The following PTPN21 variants were observed in gnomAD, a reference collection of about 807,000 sequenced individuals.
The protein encoded by PTPN21 is tyrosine-protein phosphatase non-receptor type 21.
A neutral mutation model predicts 131.8 loss-of-function variants in PTPN21; 77 were observed. That is an observed-to-expected ratio of 0.58 (90% CI 0.49 to 0.71). PTPN21 has a LOEUF of 0.71. Ranked by LOEUF, PTPN21 falls within the 30% of genes least tolerant of loss-of-function variation. The probability of loss-of-function intolerance (pLI) is 0.00; values close to 1 mark genes in which losing one functional copy is unlikely to be tolerated. For synonymous variants in PTPN21, 715 were observed against 621.3 expected (o/e 1.15, Z -2.24); for missense variants, 1,552 against 1,527.1 (o/e 1.02, Z -0.27).
Position 88,468,077 on chromosome 14 carries a change from C to T in PTPN21, c.*60G>A, listed in dbSNP as rs768631053. The T allele has an allele frequency of 4.0e-5, 63 of 1,580,104 alleles. No homozygotes were observed. The highest frequency in any genetic ancestry group is 4.9e-5 in the Non-Finnish European group (56 of 1,153,838). On this transcript the variant is annotated 3_prime_UTR_variant, in exon 19 of 19. Coordinates refer to ENST00000556564, the MANE Select transcript of PTPN21 (RefSeq NM_007039.4). ...AACGGGAAAGTATGAGTTAGGCAAG[C>T]GCTTTTTTTTTAAGCTGTAAACGCT...
chr14:88,479,639 G>C lies in PTPN21; in HGVS notation c.1792C>G (p.Arg598Gly), dbSNP rs552886882. Residue 598 changes from arginine to glycine, a missense_variant, in exon 13 of 19, where the codon CGC (arginine) becomes GGC (glycine). Coordinates refer to ENST00000556564, the MANE Select transcript of PTPN21 (RefSeq NM_007039.4). Reference sequence around the variant, plus strand: ...AACGTTTGCACCGAGTGGTGCACGCGCCGCGTGATGAGGTCGGGGTTGCTG... The same window carrying C: ...AACGTTTGCACCGAGTGGTGCACGCCCCGCGTGATGAGGTCGGGGTTGCTG... ...SSSNPDLITR[R>G]VHHSVQTFQE... 3.8e-6 allele frequency: 6 copies of C among 1,560,810 alleles called. No homozygotes were observed. The highest frequency in any genetic ancestry group is 4.5e-5 in the East Asian group (2 of 44,180).
chr14:88,521,547 C>T lies in PTPN21; in HGVS notation c.181-4286G>A, dbSNP rs1275818969. Among the ~76,000 whole-genome samples the T allele has an allele frequency of 3.3e-5, 5 of 149,724 alleles. No individual in the cohort carries two copies. The East Asian group carries it at 1.0e-3, about 30-fold the overall frequency. ...CCTCCCAAGTAGCTAGGATTACAGG[C>T]ACCCGCCACCACGCCCAACTTTTTT... On this transcript the variant is annotated intron_variant, in intron 2 of 18. Coordinates refer to ENST00000556564, the MANE Select transcript of PTPN21 (RefSeq NM_007039.4).
At chr14:88,508,797 T>C (rs987454015) in intron 3 of PTPN21, among the ~76,000 whole-genome samples, 3 of 152,230 alleles carry the variant, frequency 2.0e-5, no homozygotes, top group Admixed American at 2.0e-4. Flanking sequence ...TTAAAATGTT[T>C]CTGATGAAAT....
chr14:88,468,781 G>A (rs2077405395), intron 18 of PTPN21, 135 bp downstream of exon 18: 7 of 1,041,774 alleles, frequency 6.7e-6, no homozygotes, highest in Non-Finnish European at 7.1e-6. Context: ...GCCTTTTGCA[G>A]GGAACATTAG....
chr14:88,491,009 C>T (rs1342430079), intron 10 of PTPN21, among the ~76,000 whole-genome samples: 3 of 152,122 alleles, frequency 2.0e-5, no homozygotes. Flanking sequence ...GAGTGAGAGA[C>T]AGTGGGTTTG....
chr14:88,491,667 A>C lies in PTPN21; in HGVS notation c.932+4746T>G, dbSNP rs577156260. On this transcript the variant is annotated intron_variant, in intron 10 of 18. Transcript: ENST00000556564. ...TAATATTAAAAGCTTCATTTACTTT[A>C]TGTGGGAAACAAACGCTCACAATGA... 1.2e-3 allele frequency among the ~76,000 whole-genome samples: 177 copies of C among 152,364 alleles called. 1 individual carries two copies. The highest frequency in any genetic ancestry group is 1.5e-3 in the Non-Finnish European group (104 of 68,040).
chr14:88,471,279 C>T (rs1303571122), intron 15 of PTPN21, among the ~76,000 whole-genome samples: 1 of 152,122 alleles, frequency 6.6e-6, no homozygotes, highest in African/African-American at 2.4e-5. Context: ...ATTCACTCAC[C>T]ATGAGATTTC....
chr14:88,468,365 G>C (rs2077399009), intron 18 of PTPN21, 100 bp from the exon 19 acceptor site: 2 of 1,173,538 alleles, frequency 1.7e-6, no homozygotes, highest in South Asian at 3.2e-5. Context: ...GTTGGGAGAT[G>C]GACAGTCTCT....
Position 88,477,471 on chromosome 14 carries a change from G to A in PTPN21, c.2511+1449C>T, listed in dbSNP as rs951286220. ...TAAAAAAAAAAAAAAAAAAAAAAAA[G>A]CAAATTTAAATCTGTGGTACTTTTT... On this transcript the variant is annotated intron_variant, in intron 13 of 18. Transcript: ENST00000556564. Among the ~76,000 whole-genome samples, 408 of 69,202 alleles carry A rather than the reference G, an allele frequency of 5.9e-3. 1 individual carries two copies. The highest frequency in any genetic ancestry group is 6.9e-3 in the South Asian group (14 of 2,040). The allele number at this position is 69,202 out of a possible 152,430, so 45.4% of individuals were successfully genotyped here. A position where few individuals can be genotyped will look rare whatever the true frequency, so the allele number is the denominator to read the frequency against.
rs372744988 is a variant in PTPN21, at chr14:88,479,492, G to A, written c.1939C>T (p.Leu647=). ...SIEVAGLSHG[L]EGLRLKERTL... ...CGCTCCTTGAGCCGCAGGCCCTCCA[G>A]GCCGTGGCTGAGCCCGGCCACCTCG... The change falls in exon 13 of 19, where the codon CTG becomes TTG. Residue 647 remains leucine (L), a synonymous_variant. Transcript: ENST00000556564. The A allele has an allele frequency of 3.7e-5, 59 of 1,601,422 alleles. No individual in the cohort carries two copies. The highest frequency in any genetic ancestry group is 4.8e-5 in the Non-Finnish European group (57 of 1,179,194).
chr14:88,504,285 G>C, intron 6 of PTPN21, 140 bp downstream of exon 6: 1 of 667,734 alleles, frequency 1.5e-6, no homozygotes. Flanking sequence ...TTGGCTACTT[G>C]TAATAGTAGT....
intron 2 of PTPN21, among the ~76,000 whole-genome samples, chr14:88,518,399 T>TATATAC (rs2078328176): frequency 4.5e-5 from 1 of 22,138 alleles, no homozygotes. Context: ...TATATATATA[T>TATATAC]ATATATATAT....
intron 2 of PTPN21, among the ~76,000 whole-genome samples, chr14:88,518,282 A>G (rs1445441839): frequency 2.8e-5 from 3 of 108,832 alleles, no homozygotes; most frequent in Admixed American, 1.0e-4. Context: ...ATACACACAC[A>G]CATACGCACA....
At chr14:88,545,643 C>T (rs2078765332) in intron 2 of PTPN21, among the ~76,000 whole-genome samples, 1 of 152,180 alleles carries the variant, frequency 6.6e-6, no homozygotes, top group Non-Finnish European at 1.5e-5. Flanking sequence ...TAACGAACAG[C>T]AATATTTTCC....
chr14:88,496,179 A>C (rs560051147), intron 10 of PTPN21, among the ~76,000 whole-genome samples: 1 of 152,242 alleles, frequency 6.6e-6, no homozygotes, highest in South Asian at 2.1e-4. Context: ...AAAGGATATT[A>C]TTCCCTTTTT....
chr14:88,484,235 A>G (rs2077699293), intron 12 of PTPN21, among the ~76,000 whole-genome samples: 1 of 143,978 alleles, frequency 6.9e-6, no homozygotes, highest in African/African-American at 2.6e-5. Flanking sequence ...TTTTTTTGGT[A>G]GAGACAGGGT....
chr14:88,550,300 A>C lies in PTPN21; in HGVS notation c.118T>G (p.Ser40Ala), dbSNP rs760029255. 6.2e-7 allele frequency: 1 copy of C among 1,614,166 alleles called. No individual in the cohort carries two copies. The highest frequency in any genetic ancestry group is 2.2e-5 in the East Asian group (1 of 44,886). ...CTTTCCTGGCCAGTGCTCTCCACGG[A>C]CAGGGTGAACTCCACAAACTCGTTA... ...LNNEFVEFTL[S>A]VESTGQESLE... The change falls in exon 2 of 19, where the codon TCC becomes GCC. Residue 40 changes from serine to alanine, a missense_variant. Physicochemically the swap from Ser to Ala is moderately conservative, Grantham distance 99. Coordinates refer to ENST00000556564, the MANE Select transcript of PTPN21 (RefSeq NM_007039.4).
intron 3 of PTPN21, among the ~76,000 whole-genome samples, chr14:88,516,104 A>C (rs1021553684): frequency 7.2e-5 from 11 of 152,184 alleles, no homozygotes; most frequent in Admixed American, 3.9e-4. Context: ...AGTAAAGCTA[A>C]AGAAAACATG....
chr14:88,481,088 G>T (rs966065743), intron 12 of PTPN21, among the ~76,000 whole-genome samples: 6 of 152,170 alleles, frequency 3.9e-5, no homozygotes, highest in African/African-American at 1.2e-4. Flanking sequence ...TAGCTCACCT[G>T]CCCTCTGTTA....
Sources: allele counts gnomAD v4.1 joint callset (sites outside exome capture counted in the v4.1 genomes callset), GRCh38; gene constraint gnomAD v4.1.1; transcripts MANE v1.5; gene names NCBI Gene and HGNC (gene_info 2026-07-23, HGNC 2026-07-21).